ODAD2: variants seen among roughly 807,000 people sequenced by gnomAD.
The protein encoded by ODAD2 is outer dynein arm-docking complex subunit 2.
Under a neutral mutation model 106.8 loss-of-function variants are expected in ODAD2, and 89 were observed. The ratio of observed to expected loss-of-function variants is 0.83; its 90% CI spans 0.70 to 0.99. ODAD2 has a LOEUF of 0.99. ODAD2 is among the 50% of genes least tolerant of loss of function. The pLI is 0.00. For synonymous variants in ODAD2, 404 were observed against 436.2 expected (o/e 0.93, Z 0.92); for missense variants, 1,168 against 1,238.5 (o/e 0.94, Z 0.85).
intron 2 of ODAD2, among the ~76,000 whole-genome samples, chr10:27,994,249 A>T (rs1174174530): frequency 1.3e-5 from 2 of 151,826 alleles, no homozygotes; most frequent in Non-Finnish European, 2.9e-5. Flanking sequence ...TCTCTCCCTT[A>T]TATTGGGCAA....
At chr10:27,930,934 C>T (rs1227340925) in intron 16 of ODAD2, among the ~76,000 whole-genome samples, 2 of 152,134 alleles carry the variant, frequency 1.3e-5, no homozygotes, top group African/African-American at 2.4e-5. Context: ...GTCTCTAATA[C>T]CCTTTTCACT....
intron 17 of ODAD2, among the ~76,000 whole-genome samples, chr10:27,892,678 C>A (rs1842634596): frequency 6.6e-6 from 1 of 152,212 alleles, no homozygotes; most frequent in South Asian, 2.1e-4. Context: ...ATCCCACATT[C>A]CATTTGTTTT....
chr10:27,971,209 G>C lies in ODAD2; in HGVS notation c.1041C>G (p.Asp347Glu). The change falls in exon 8 of 20, where the codon GAC becomes GAG. Residue 347 changes from aspartate to glutamate, a missense_variant. Physicochemically the swap from Asp to Glu is conservative, Grantham distance 45. Coordinates refer to ENST00000305242, the MANE Select transcript of ODAD2 (RefSeq NM_018076.5). ...AALRKDISGS[D>E]KRSLEKNQIN... is the part of the protein sequence containing the mutation. Reference sequence around the variant, plus strand: ...TTTGGTTCTTCTCCAGTGACCTTTTGTCTGAACCAGAAATGTCTTTGCGGA... The same window carrying C: ...TTTGGTTCTTCTCCAGTGACCTTTTCTCTGAACCAGAAATGTCTTTGCGGA... 1 of 1,613,908 alleles carries C rather than the reference G, an allele frequency of 6.2e-7. No homozygotes were observed. The highest frequency in any genetic ancestry group is 8.5e-7 in the Non-Finnish European group (1 of 1,179,876).
intron 1 of ODAD2, among the ~76,000 whole-genome samples, chr10:27,996,850 T>C (rs537445325): frequency 6.6e-6 from 1 of 152,346 alleles, no homozygotes; most frequent in South Asian, 2.1e-4. Context: ...TCATTCTGTG[T>C]AAGGCTGGAC....
At position 27,865,758 on chromosome 10, in the gene ODAD2, G is replaced by A. The variant is rs1181638939; in HGVS notation, c.2611-3136C>T. Among the ~76,000 whole-genome samples the A allele has an allele frequency of 3.9e-5, 6 of 152,206 alleles. 1 individual carries two copies. Among genetic ancestry groups the A allele is most frequent in the African/African-American group, 7.2e-5 (3 of 41,464 alleles). On this transcript the variant is annotated intron_variant, in intron 17 of 19. Coordinates refer to ENST00000305242, the MANE Select transcript of ODAD2 (RefSeq NM_018076.5). ...ATAGCCTTAAAAGAAAGCTTTCACTGTGGTTACAACAAACCAAACTAAACT... is the reference window on the plus strand; with the variant it reads ...ATAGCCTTAAAAGAAAGCTTTCACTATGGTTACAACAAACCAAACTAAACT...
chr10:27,819,591 A>G (rs1743457072), intron 19 of ODAD2, among the ~76,000 whole-genome samples: 2 of 150,900 alleles, frequency 1.3e-5, no homozygotes, highest in Non-Finnish European at 3.0e-5. Context: ...AAAAAAAAAA[A>G]AAAAAAAAAA....
Position 27,860,755 on chromosome 10 carries a change from G to A in ODAD2, c.2891C>T (p.Ala964Val), listed in dbSNP as rs1463331446. Reference sequence around the variant, plus strand: ...CAGATAACGCACTAGTGGAGCCACTGCTTTGTGCTCACCGAAGGCCACTCT... The same window carrying A: ...CAGATAACGCACTAGTGGAGCCACTACTTTGTGCTCACCGAAGGCCACTCT... ...RNRVAFGEHKAVAPLVRYLKS... is the reference protein window; with the variant it reads ...RNRVAFGEHKVVAPLVRYLKS... The change falls in exon 19 of 20, where the codon GCA becomes GTA. Residue 964 changes from alanine to valine, a missense_variant. Ala to Val is a moderately conservative substitution (Grantham distance 64). Transcript: ENST00000305242. The A allele has an allele frequency of 6.2e-7, 1 of 1,614,186 alleles. No homozygotes were observed. The highest frequency in any genetic ancestry group is 1.1e-5 in the South Asian group (1 of 91,090).
At chr10:27,952,394 ATT>A (rs557253279) in intron 10 of ODAD2, among the ~76,000 whole-genome samples, 4 of 146,886 alleles carry the variant, frequency 2.7e-5, no homozygotes, top group African/African-American at 2.5e-5. Context: ...TTTTTATTTT[ATT>A]TTTTTTTTTT....
intron 17 of ODAD2, among the ~76,000 whole-genome samples, chr10:27,892,860 G>GT (rs1320724071): frequency 6.6e-6 from 1 of 152,140 alleles, no homozygotes; most frequent in African/African-American, 2.4e-5. Flanking sequence ...AAGAAAAGAT[G>GT]TACTACGGCC....
intron 16 of ODAD2, among the ~76,000 whole-genome samples, chr10:27,924,000 A>AGAG (rs1564509060): frequency 2.3e-4 from 32 of 137,340 alleles, no homozygotes; most frequent in African/African-American, 8.7e-4. Context: ...GAAAGAAAGA[A>AGAG]AGAAAGAAAG....
intron 17 of ODAD2, among the ~76,000 whole-genome samples, chr10:27,895,040 C>T (rs547817129): frequency 4.4e-4 from 17 of 39,064 alleles, no homozygotes; most frequent in South Asian, 9.1e-4. Context: ...GTCATCGGTA[C>T]GAAAAAAAAA....
At chr10:27,891,200 A>C (rs1296620097) in intron 17 of ODAD2, among the ~76,000 whole-genome samples, 2 of 152,168 alleles carry the variant, frequency 1.3e-5, no homozygotes, top group Non-Finnish European at 2.9e-5. Context: ...TGGTCAGGAA[A>C]CTGGCCTCAT....
Position 27,860,669 on chromosome 10 carries a change from CT to C in ODAD2, c.2976del (p.Asp993ThrfsTer14), listed in dbSNP as rs1327805728. 17 of 1,614,012 alleles carry C rather than the reference CT, an allele frequency of 1.1e-5. No homozygotes were observed. The highest frequency in any genetic ancestry group is 1.4e-5 in the Non-Finnish European group (17 of 1,180,036). ...TGCATGGTGATGCAGTTATCGGCGT[CT>C]TCTGAGAGTTGGTACAAGGCCTGAG... The part of the protein sequence containing the change: ...ATAQALYQLS[E>X]DADNCITMHE... On this transcript the variant is annotated frameshift_variant, in exon 19 of 20. Transcript: ENST00000305242. LOFTEE classifies it high-confidence loss of function.
intron 19 of ODAD2, among the ~76,000 whole-genome samples, chr10:27,825,676 T>A (rs1836984168): frequency 6.6e-6 from 1 of 152,192 alleles, no homozygotes; most frequent in African/African-American, 2.4e-5. Context: ...CAGCTCCACA[T>A]AGGATAGGGA....
chr10:27,827,381 ATAT>A (rs2132948292), intron 19 of ODAD2, among the ~76,000 whole-genome samples: 1 of 9,372 alleles, frequency 1.1e-4, no homozygotes, highest in African/African-American at 2.7e-4. Context: ...CACACACACT[ATAT>A]ATATATATAT....
chr10:27,984,346 A>T (rs1386976191), intron 4 of ODAD2, 56 bp from the exon 5 acceptor site: 2 of 1,116,600 alleles, frequency 1.8e-6, no homozygotes, highest in Non-Finnish European at 2.7e-6. Context: ...TCTAGGAAAC[A>T]CATGAACACA....
chr10:27,991,100 ATTTGTTC>A (rs977805596), intron 2 of ODAD2, among the ~76,000 whole-genome samples: 1 of 152,192 alleles, frequency 6.6e-6, no homozygotes, highest in Non-Finnish European at 1.5e-5. Context: ...GAGTGGTGTC[ATTTGTTC>A]TTAGTTTACA....
At chr10:27,928,650 A>G (rs1845414619) in intron 16 of ODAD2, among the ~76,000 whole-genome samples, 1 of 152,180 alleles carries the variant, frequency 6.6e-6, no homozygotes, top group South Asian at 2.1e-4. Flanking sequence ...CAAATTAAAT[A>G]ACATGTCTTG....
chr10:27,897,872 C>A (rs1842955664), intron 17 of ODAD2, among the ~76,000 whole-genome samples: 1 of 151,930 alleles, frequency 6.6e-6, no homozygotes, highest in Non-Finnish European at 1.5e-5. Flanking sequence ...AGCCTAGGAT[C>A]TAGTTTAGAC....
Sources: gnomAD v4.1 joint callset for allele counts (sites outside exome capture counted in the v4.1 genomes callset) on GRCh38, gnomAD v4.1.1 for gene constraint, MANE v1.5 for transcripts, NCBI Gene and HGNC (gene_info 2026-07-23, HGNC 2026-07-21) for gene names.